The following MERTK variants were observed in gnomAD, a reference collection of about 807,000 sequenced individuals.
MERTK encodes the protein tyrosine-protein kinase Mer.
In MERTK, 69 loss-of-function variants were observed where a neutral mutation model predicts 99.3. The ratio of observed to expected loss-of-function variants is 0.70; its 90% CI spans 0.57 to 0.85. The LOEUF (loss-of-function observed/expected upper bound fraction) is 0.85, where lower values mean the gene tolerates loss of function less well. Among genes scored for constraint, MERTK ranks in the 40% least tolerant of loss-of-function variants. The probability of loss-of-function intolerance (pLI) is 0.00; values close to 1 mark genes in which losing one functional copy is unlikely to be tolerated. For missense variants in MERTK, 1,125 were observed against 1,249.4 expected (o/e 0.90, Z 1.50); for synonymous variants, 426 against 467.6 (o/e 0.91, Z 1.15).
chr2:111,991,712 A>G (rs1451870094), intron 8 of MERTK, among the ~76,000 whole-genome samples: 1 of 152,048 alleles, frequency 6.6e-6, no homozygotes, highest in Middle Eastern at 3.2e-3. Flanking sequence ...GGGGTGTGAT[A>G]TTACGATATA....
intron 3 of MERTK, 121 bp from the exon 4 acceptor site, chr2:111,947,273 C>CA: frequency 3.1e-6 from 2 of 643,936 alleles, no homozygotes; most frequent in East Asian, 4.8e-5. Flanking sequence ...ACTCCATCCC[C>CA]ACCCGCCCCC....
intron 1 of MERTK, among the ~76,000 whole-genome samples, chr2:111,924,411 A>G (rs1684517664): frequency 6.6e-6 from 1 of 152,090 alleles, no homozygotes; most frequent in Non-Finnish European, 1.5e-5. Context: ...CTGGTGTCAG[A>G]CTGACTTTCC....
chr2:111,917,038 AT>A (rs1684363970), intron 1 of MERTK, among the ~76,000 whole-genome samples: 1 of 152,100 alleles, frequency 6.6e-6, no homozygotes, highest in Non-Finnish European at 1.5e-5. Context: ...TTCTGTTCCA[AT>A]TCTTCCCCAC....
In MERTK at chr2:111,908,991, A is replaced by ATTTAT. The variant is rs1684191733; in HGVS notation, c.61+10195_61+10196insTTTAT. The stretch of plus-strand genomic sequence containing the variant: ...AAACATATTTCTCAAAAGAAGAAAT[A>ATTTAT]CAAATGGCTAACAGATAAATATATG... On this transcript the variant is annotated intron_variant, in intron 1 of 18. Transcript: ENST00000295408. Among the ~76,000 whole-genome samples, 9 of 152,416 alleles carry ATTTAT rather than the reference A, an allele frequency of 5.9e-5. No individual in the cohort carries two copies. The South Asian group carries it at 1.9e-3, about 32-fold the overall frequency.
At chr2:111,964,407 GCA>G (rs1440213494) in intron 4 of MERTK, among the ~76,000 whole-genome samples, 65 of 149,310 alleles carry the variant, frequency 4.4e-4, no homozygotes, top group African/African-American at 1.5e-3. Flanking sequence ...GTGCGCGCGC[GCA>G]CGCGCATGTG....
chr2:111,911,666 A>C (rs1684250663), intron 1 of MERTK, among the ~76,000 whole-genome samples: 2 of 140,790 alleles, frequency 1.4e-5, no homozygotes, highest in South Asian at 4.5e-4. Context: ...CTGGGATTAC[A>C]GGCATGAGCC....
At chr2:112,024,057 A>G (rs1305011386) in intron 18 of MERTK, among the ~76,000 whole-genome samples, 2 of 152,186 alleles carry the variant, frequency 1.3e-5, no homozygotes, top group Non-Finnish European at 2.9e-5. Context: ...GTGGTGGTAG[A>G]TGTATAACAT....
intron 15 of MERTK, among the ~76,000 whole-genome samples, chr2:112,019,041 C>T (rs565569602): frequency 3.9e-5 from 6 of 152,164 alleles, no homozygotes; most frequent in South Asian, 2.1e-4. Context: ...CACACCTCGC[C>T]GCTGCTGAAG....
chr2:111,938,207 G>A (rs1452632776), intron 2 of MERTK, among the ~76,000 whole-genome samples: 1 of 152,102 alleles, frequency 6.6e-6, no homozygotes, highest in East Asian at 1.9e-4. Context: ...CTCCCCAGTA[G>A]CTGGGACCAC....
At chr2:111,925,206 T>C (rs192908466) in intron 1 of MERTK, among the ~76,000 whole-genome samples, 1 of 147,212 alleles carries the variant, frequency 6.8e-6, no homozygotes, top group African/African-American at 2.5e-5. Flanking sequence ...ACCCAGGAGG[T>C]GCTATATAAA....
chr2:111,946,046 C>T (rs1684956087), intron 3 of MERTK, among the ~76,000 whole-genome samples: 1 of 152,116 alleles, frequency 6.6e-6, no homozygotes, highest in African/African-American at 2.4e-5. Context: ...TTGATGCCCA[C>T]CAATGTGGAG....
intron 8 of MERTK, among the ~76,000 whole-genome samples, chr2:111,990,533 A>T (rs529307282): frequency 1.4e-4 from 22 of 152,328 alleles, no homozygotes; most frequent in Admixed American, 1.4e-3. Context: ...TAACTCACTT[A>T]GGAGAATAAG....
intron 1 of MERTK, among the ~76,000 whole-genome samples, chr2:111,907,801 G>A (rs995199819): frequency 6.6e-6 from 1 of 152,282 alleles, no homozygotes; most frequent in Admixed American, 6.5e-5. Flanking sequence ...AGAATGCAAC[G>A]CTCTTAAATA....
chr2:111,962,190 A>T (rs535638977), intron 4 of MERTK, among the ~76,000 whole-genome samples: 4 of 152,296 alleles, frequency 2.6e-5, no homozygotes, highest in African/African-American at 9.6e-5. Context: ...CATAGTAAAT[A>T]CTTGTATAGT....
intron 1 of MERTK, among the ~76,000 whole-genome samples, chr2:111,920,561 GT>G (rs869150260): frequency 3.5e-5 from 4 of 113,664 alleles, no homozygotes; most frequent in African/African-American, 9.8e-5. Context: ...ATTGAAGGTT[GT>G]TTTTTTTTTT....
intron 8 of MERTK, among the ~76,000 whole-genome samples, chr2:111,983,607 G>T (rs1243523839): frequency 1.3e-5 from 2 of 152,234 alleles, no homozygotes; most frequent in Non-Finnish European, 2.9e-5. Flanking sequence ...CAGCCAGGTG[G>T]CACAGGTTCC....
intron 2 of MERTK, among the ~76,000 whole-genome samples, chr2:111,944,532 T>TCCTCTGTTTTAAGGA (rs1684926140): frequency 2.6e-5 from 4 of 152,176 alleles, no homozygotes; most frequent in Admixed American, 6.5e-5. Flanking sequence ...TTTAAGGAAT[T>TCCTCTGTTTTAAGGA]AGCTCACACA....
chr2:111,949,976 T>C (rs1324685662), intron 4 of MERTK, among the ~76,000 whole-genome samples: 1 of 152,182 alleles, frequency 6.6e-6, no homozygotes, highest in African/African-American at 2.4e-5. Context: ...CTTGCTCTGT[T>C]GCCCAGGCTG....
intron 4 of MERTK, among the ~76,000 whole-genome samples, chr2:111,957,630 A>G (rs977238402): frequency 3.3e-5 from 5 of 152,172 alleles, no homozygotes; most frequent in African/African-American, 7.2e-5. Context: ...TGTGAGCTCT[A>G]TAAGGGTGGG....
Sources: gnomAD v4.1 joint callset for allele counts (sites outside exome capture counted in the v4.1 genomes callset) on GRCh38, gnomAD v4.1.1 for gene constraint, MANE v1.5 for transcripts, NCBI Gene and HGNC (gene_info 2026-07-23, HGNC 2026-07-21) for gene names.